Variants in DPP10 observed in about 807,000 individuals in gnomAD.
DPP10 encodes dipeptidyl peptidase like 10.
A neutral mutation model predicts 120.9 loss-of-function variants in DPP10; 33 were observed. The ratio of observed to expected loss-of-function variants is 0.27; its 90% CI spans 0.21 to 0.37. The LOEUF is 0.37. Ranked by LOEUF, DPP10 falls within the 10% of genes least tolerant of loss-of-function variation. DPP10 has a pLI of 1.00. For missense variants in DPP10, 816 were observed against 942.8 expected (o/e 0.87, Z 1.76); for synonymous variants, 337 against 326.1 (o/e 1.03, Z -0.36).
At chr2:115,635,231 CT>C (rs1228398536) in intron 5 of DPP10, among the ~76,000 whole-genome samples, 1 of 152,182 alleles carries the variant, frequency 6.6e-6, no homozygotes, top group Admixed American at 6.5e-5. Context: ...ATGGCCACCC[CT>C]CCCTCTGGGA....
In DPP10 at chr2:115,730,084, A is replaced by T. The variant is rs117163833; in HGVS notation, c.697+2148A>T. On this transcript the variant is annotated intron_variant, in intron 8 of 25. Transcript: ENST00000410059. ...ATAGGAAAACTAATAGAAGTTTTCA[A>T]GTAAGGGAGTGACAAGATTGGATCT... 2.7e-4 allele frequency among the ~76,000 whole-genome samples: 41 copies of T among 152,294 alleles called. 1 individual carries two copies. The East Asian group carries it at 7.5e-3, about 28-fold the overall frequency.
Position 115,728,209 on chromosome 2 carries a change from G to A in DPP10, c.697+273G>A, listed in dbSNP as rs72828548. Reference sequence around the variant, plus strand: ...TGAGGACAACTAATGAAAGTAAATGGTTACCTTATGTCACTTTGGAATTAG... The same window carrying A: ...TGAGGACAACTAATGAAAGTAAATGATTACCTTATGTCACTTTGGAATTAG... On this transcript the variant is annotated intron_variant, in intron 8 of 25. Coordinates refer to ENST00000410059, the MANE Select transcript of DPP10 (RefSeq NM_020868.6). Among the ~76,000 whole-genome samples the A allele has an allele frequency of 8.8e-3, 1,334 of 151,304 alleles. 11 individuals carry two copies. Among genetic ancestry groups the A allele is most frequent in the Non-Finnish European group, 0.015 (987 of 67,812 alleles).
intron 3 of DPP10, among the ~76,000 whole-genome samples, chr2:115,402,842 G>GAAAAAAAAA (rs1553584302): frequency 2.6e-5 from 1 of 38,496 alleles, no homozygotes. Context: ...ACACTACAAG[G>GAAAAAAAAA]AAAAAAAAAA....
At chr2:115,341,758 A>G (rs2106247123) in intron 2 of DPP10, among the ~76,000 whole-genome samples, 1 of 145,688 alleles carries the variant, frequency 6.9e-6, no homozygotes, top group South Asian at 2.2e-4. Context: ...AGTTTCCTCC[A>G]TATCTTTTCA....
chr2:114,648,782 T>C (rs1696337564), intron 1 of DPP10, among the ~76,000 whole-genome samples: 1 of 152,186 alleles, frequency 6.6e-6, no homozygotes, highest in African/African-American at 2.4e-5. Context: ...TGCTAAATGA[T>C]ATGAAGAACT....
At position 115,802,033 on chromosome 2, in the gene DPP10, G is replaced by T. The variant is rs527986431; in HGVS notation, c.1700+10677G>T. On this transcript the variant is annotated intron_variant, in intron 19 of 25. Coordinates refer to ENST00000410059, the MANE Select transcript of DPP10 (RefSeq NM_020868.6). Reference sequence around the variant, plus strand: ...GTACCAGCTCCTCCTTGTACCTCTGGTAGAATTCGGCTGTGAATCCATCTG... The same window carrying T: ...GTACCAGCTCCTCCTTGTACCTCTGTTAGAATTCGGCTGTGAATCCATCTG... Among the ~76,000 whole-genome samples the T allele has an allele frequency of 2.6e-5, 4 of 152,224 alleles. No individual in the cohort carries two copies. In the East Asian group the frequency reaches 7.7e-4, roughly 29 times the overall value.
intron 17 of DPP10, among the ~76,000 whole-genome samples, chr2:115,785,310 T>C (rs190582399): frequency 6.6e-4 from 100 of 152,336 alleles, no homozygotes; most frequent in Non-Finnish European, 6.8e-4. Flanking sequence ...TTTCACTGTG[T>C]TTCTGCCAGG....
rs79072933 is a variant in DPP10 at position 115,434,729 on chromosome 2, A to T, written c.272-64781A>T. 2.9e-3 allele frequency among the ~76,000 whole-genome samples: 436 copies of T among 151,856 alleles called. 2 individuals carry two copies. The highest frequency in any genetic ancestry group is 0.01 in the African/African-American group (425 of 41,484). ...TCTTGCTTCTTTGAAATATATTTTT[A>T]AAATGTTAATTATCATCCACCTACT... On this transcript the variant is annotated intron_variant, in intron 3 of 25. Transcript: ENST00000410059.
intron 5 of DPP10, among the ~76,000 whole-genome samples, chr2:115,640,756 T>C (rs901578557): frequency 1.3e-5 from 2 of 152,170 alleles, no homozygotes; most frequent in African/African-American, 4.8e-5. Context: ...AATACCTTTC[T>C]AGCAATTAGA....
At chr2:114,915,737 T>C (rs1694755556) in intron 1 of DPP10, among the ~76,000 whole-genome samples, 1 of 152,212 alleles carries the variant, frequency 6.6e-6, no homozygotes, top group African/African-American at 2.4e-5. Flanking sequence ...TGCTCCTGAA[T>C]GACTTTGGGG....
At chr2:114,491,766 T>C (rs1421638621) in intron 1 of DPP10, among the ~76,000 whole-genome samples, 3 of 152,328 alleles carry the variant, frequency 2.0e-5, no homozygotes, top group East Asian at 1.9e-4. Flanking sequence ...TTTTCAGTTA[T>C]TTAATTCTGG....
At chr2:114,937,947 C>T (rs576410264) in intron 1 of DPP10, among the ~76,000 whole-genome samples, 7 of 152,174 alleles carry the variant, frequency 4.6e-5, no homozygotes, top group Non-Finnish European at 1.0e-4. Flanking sequence ...ATGTATATTT[C>T]CTCCATAGAA....
chr2:114,548,114 GGT>G (rs1288321192), intron 1 of DPP10, among the ~76,000 whole-genome samples: 1 of 152,100 alleles, frequency 6.6e-6, no homozygotes, highest in Non-Finnish European at 1.5e-5. Context: ...CCTTTAGCAG[GGT>G]TGCTTTGAAG....
intron 10 of DPP10, among the ~76,000 whole-genome samples, chr2:115,747,129 T>C (rs936321158): frequency 3.3e-5 from 5 of 152,132 alleles, no homozygotes; most frequent in African/African-American, 9.7e-5. Context: ...AGACCCTCAT[T>C]AACTACCTAA....
At chr2:115,490,104 A>G (rs1370480828) in intron 3 of DPP10, among the ~76,000 whole-genome samples, 1 of 152,178 alleles carries the variant, frequency 6.6e-6, no homozygotes, top group African/African-American at 2.4e-5. Context: ...GGCTGAACCC[A>G]GGTACACCTT....
chr2:114,756,895 A>G (rs1679799765), intron 1 of DPP10, among the ~76,000 whole-genome samples: 1 of 152,192 alleles, frequency 6.6e-6, no homozygotes, highest in Non-Finnish European at 1.5e-5. Flanking sequence ...CAAAAGAGTT[A>G]AGGAAGCCCC....
intron 1 of DPP10, among the ~76,000 whole-genome samples, chr2:114,581,706 A>C (rs1690540275): frequency 6.6e-6 from 1 of 152,158 alleles, no homozygotes; most frequent in Non-Finnish European, 1.5e-5. Context: ...AAAATCTTTG[A>C]CATGTACATT....
intron 1 of DPP10, among the ~76,000 whole-genome samples, chr2:114,869,340 C>T (rs116213753): frequency 0.012 from 1,784 of 152,200 alleles, 24 homozygotes; most frequent in African/African-American, 0.04. Flanking sequence ...GTTTATTGTG[C>T]ACTGGCTCCC....
intron 1 of DPP10, among the ~76,000 whole-genome samples, chr2:115,008,905 T>C (rs1278407395): frequency 2.1e-5 from 2 of 96,900 alleles, no homozygotes; most frequent in African/African-American, 7.0e-5. Context: ...GTTAGAATGG[T>C]GATCATTAAA....
Sources: allele counts gnomAD v4.1 joint callset (sites outside exome capture counted in the v4.1 genomes callset), GRCh38; gene constraint gnomAD v4.1.1; transcripts MANE v1.5; gene names NCBI Gene and HGNC (gene_info 2026-07-23, HGNC 2026-07-21).